Variants in MBD5 observed in about 807,000 individuals in gnomAD.
MBD5 encodes methyl-CpG-binding domain protein 5.
A neutral mutation model predicts 117.3 loss-of-function variants in MBD5; 13 were observed. The observed-to-expected ratio is 0.11, with a 90% confidence interval of 0.07 to 0.18. The LOEUF (loss-of-function observed/expected upper bound fraction) is 0.18. MBD5 is among the 10% of genes least tolerant of loss of function. The pLI, the probability that MBD5 is intolerant of heterozygous loss-of-function variation, is 1.00. For missense variants in MBD5, 1,879 were observed against 2,093.8 expected, an observed-to-expected ratio of 0.90 and a Z score of 2.00; for synonymous variants, 727 against 766.4, an observed-to-expected ratio of 0.95 and a Z score of 0.85.
intron 1 of MBD5, among the ~76,000 whole-genome samples, chr2:148,032,623 G>T (rs1451821234): frequency 6.6e-6 from 1 of 152,096 alleles, no homozygotes; most frequent in Non-Finnish European, 1.5e-5. Context: ...GAGCCAAACT[G>T]CAGAACTTTG....
chr2:148,121,818 C>T (rs1696773695), intron 1 of MBD5, among the ~76,000 whole-genome samples: 2 of 152,012 alleles, frequency 1.3e-5, no homozygotes, highest in African/African-American at 4.8e-5. Context: ...TTCTTATCCA[C>T]GTTTTTAAAA....
chr2:148,358,323 T>C (rs1482625421), intron 4 of MBD5, among the ~76,000 whole-genome samples: 1 of 152,172 alleles, frequency 6.6e-6, no homozygotes, highest in African/African-American at 2.4e-5. Context: ...GTGATGCTTA[T>C]AACACAGCCC....
At chr2:148,079,630 G>A (rs556457956) in intron 1 of MBD5, among the ~76,000 whole-genome samples, 21 of 151,914 alleles carry the variant, frequency 1.4e-4, no homozygotes, top group African/African-American at 4.3e-4. Context: ...AGGCCTAGGC[G>A]GGTGGATCAC....
intron 4 of MBD5, among the ~76,000 whole-genome samples, chr2:148,435,008 C>T (rs1377443274): frequency 1.3e-5 from 2 of 152,130 alleles, no homozygotes; most frequent in South Asian, 2.1e-4. Context: ...GTAAGCATAA[C>T]ATGTGGTCTT....
At chr2:148,177,092 A>G (rs1698409634) in intron 1 of MBD5, among the ~76,000 whole-genome samples, 1 of 152,194 alleles carries the variant, frequency 6.6e-6, no homozygotes, top group Admixed American at 6.5e-5. Context: ...ATATTGATTT[A>G]TTGCTGAAGT....
intron 5 of MBD5, chr2:148,460,237 C>T (rs1707026471): frequency 6.6e-6 from 1 of 152,028 alleles, no homozygotes; most frequent in Non-Finnish European, 1.5e-5. Flanking sequence ...GCTTTTTCAA[C>T]TTCTGCGAGC....
At chr2:148,294,505 T>TTTTTTTTTTGTTTTTTTTTTTTTG (rs1201477284) in intron 3 of MBD5, among the ~76,000 whole-genome samples, 2 of 29,802 alleles carry the variant, frequency 6.7e-5, no homozygotes, top group Admixed American at 3.1e-4. Context: ...ATTACAGTTT[T>TTTTTTTTTTGTTTTTTTTTTTTTG]TTTTTTTTTT....
At chr2:148,377,369 T>C (rs1704019622) in intron 4 of MBD5, among the ~76,000 whole-genome samples, 1 of 152,148 alleles carries the variant, frequency 6.6e-6, no homozygotes, top group Non-Finnish European at 1.5e-5. Context: ...GACTCAAATG[T>C]TAATCTCCTT....
chr2:148,276,078 G>A (rs7567802), intron 3 of MBD5, among the ~76,000 whole-genome samples: 86,654 of 151,886 alleles, frequency 0.57, 25,142 homozygotes, highest in East Asian at 0.83. Context: ...TTGGGAGTCC[G>A]AGACAGGAGG....
In MBD5 at chr2:148,513,387, T is replaced by C. The variant is rs1022759481; in HGVS notation, c.*446T>C. ...ACAAAGAAATAGTGTACAAAATTCT[T>C]TGGTTTCTATGGAGTACACCTACCA... On this transcript the variant is annotated 3_prime_UTR_variant, in exon 14 of 14. Coordinates refer to ENST00000642680, the MANE Select transcript of MBD5 (RefSeq NM_001378120.1). 1 of 172,162 alleles carries C rather than the reference T, an allele frequency of 5.8e-6. No homozygotes were observed. The highest frequency in any genetic ancestry group is 1.3e-5 in the Non-Finnish European group (1 of 79,054). 10.7% of individuals were successfully genotyped at this position (172,162 alleles called of 1,614,324 possible). A position where few individuals can be genotyped will look rare whatever the true frequency, so the allele number is the denominator to read the frequency against.
intron 4 of MBD5, among the ~76,000 whole-genome samples, chr2:148,420,219 C>T (rs1416780861): frequency 1.3e-5 from 2 of 152,082 alleles, no homozygotes; most frequent in African/African-American, 4.8e-5. Flanking sequence ...TTTCATCTTG[C>T]TTGTCATATG....
At chr2:148,366,144 C>T (rs767961670) in intron 4 of MBD5, among the ~76,000 whole-genome samples, 2 of 152,110 alleles carry the variant, frequency 1.3e-5, no homozygotes, top group South Asian at 2.1e-4. Flanking sequence ...GAGTCGACTT[C>T]ATACCTGGGA....
chr2:148,386,358 A>G (rs950353431), intron 4 of MBD5, among the ~76,000 whole-genome samples: 1 of 152,204 alleles, frequency 6.6e-6, no homozygotes, highest in African/African-American at 2.4e-5. Flanking sequence ...AGAAAAACAG[A>G]GATAAGTGAT....
chr2:148,128,974 A>G (rs946511747), intron 1 of MBD5, among the ~76,000 whole-genome samples: 1 of 152,206 alleles, frequency 6.6e-6, no homozygotes, highest in East Asian at 1.9e-4. Context: ...ATCTAGTGCA[A>G]AGGTGTGATC....
At chr2:148,074,498 T>G (rs959502227) in intron 1 of MBD5, among the ~76,000 whole-genome samples, 7 of 97,020 alleles carry the variant, frequency 7.2e-5, no homozygotes, top group East Asian at 6.9e-4. Context: ...TTTTTTTGTT[T>G]TTTTTTTTGT....
chr2:148,202,698 G>A (rs1699174042), intron 2 of MBD5, among the ~76,000 whole-genome samples: 2 of 152,174 alleles, frequency 1.3e-5, no homozygotes, highest in South Asian at 2.1e-4. Flanking sequence ...TTTTTTTAGA[G>A]GTAACTTCAA....
intron 2 of MBD5, among the ~76,000 whole-genome samples, chr2:148,196,796 TCAGA>T (rs759322199): frequency 2.0e-5 from 3 of 152,176 alleles, no homozygotes; most frequent in Non-Finnish European, 4.4e-5. Context: ...TTTTATTGTG[TCAGA>T]CAAAGTAGGC....
chr2:148,200,564 G>A (rs62183933), intron 2 of MBD5, among the ~76,000 whole-genome samples: 13,312 of 151,960 alleles, frequency 0.088, 650 homozygotes, highest in South Asian at 0.14. Flanking sequence ...ATGGTGGCGG[G>A]CGCCTGTGGT....
intron 1 of MBD5, among the ~76,000 whole-genome samples, chr2:148,093,678 A>C (rs1695995372): frequency 6.6e-6 from 1 of 152,136 alleles, no homozygotes; most frequent in Admixed American, 6.5e-5. Flanking sequence ...CATGCTCATT[A>C]TTATTCTTAA....
Sources: allele counts gnomAD v4.1 joint callset (sites outside exome capture counted in the v4.1 genomes callset), GRCh38; gene constraint gnomAD v4.1.1; transcripts MANE v1.5; gene names NCBI Gene and HGNC (gene_info 2026-07-23, HGNC 2026-07-21).